TKT: variants seen among roughly 807,000 people sequenced by gnomAD.
TKT encodes epididymis luminal protein 107.
Under a neutral mutation model 63.9 loss-of-function variants are expected in TKT, and 47 were observed. The ratio of observed to expected loss-of-function variants is 0.74; its 90% confidence interval spans 0.58 to 0.94. TKT has a LOEUF of 0.94. Ranked by LOEUF, TKT falls within the 40% of genes least tolerant of loss-of-function variation. The pLI is 0.00. For synonymous variants in TKT, 338 were observed against 334.1 expected, an observed-to-expected ratio of 1.01 and a Z score of -0.13; for missense variants, 721 against 846.2, an observed-to-expected ratio of 0.85 and a Z score of 1.84.
intron 5 of TKT, chr3:53,234,006 TTCAGGAATCTGGCTTGAG>T (rs1553677866): frequency 6.6e-6 from 1 of 152,198 alleles, no homozygotes; most frequent in East Asian, 1.9e-4. Flanking sequence ...GAGCCAGGAC[TTCAGGAATCTGGCTTGAG>T]TCACGAGGTT....
chr3:53,230,634 G>C lies in TKT; in HGVS notation c.943-13C>G, dbSNP rs782816542. On this transcript the variant is annotated splice_polypyrimidine_tract_variant and intron_variant, in intron 7 of 13. Coordinates refer to ENST00000462138, the MANE Select transcript of TKT (RefSeq NM_001064.4). ...TGCGGGTGGCTATCTGTGAGGAAGA[G>C]AGTGGGAAGGCTCTGGACCCCTCTG... The C allele has an allele frequency of 2.8e-5, 45 of 1,613,846 alleles. No homozygotes were observed. Among genetic ancestry groups the C allele is most frequent in the Non-Finnish European group, 3.7e-5 (44 of 1,179,894 alleles).
chr3:53,239,408 A>C (rs1181411677), intron 4 of TKT, among the ~76,000 whole-genome samples: 1 of 152,120 alleles, frequency 6.6e-6, no homozygotes, highest in African/African-American at 2.4e-5. Flanking sequence ...CCCTAGGCTC[A>C]AGTGATCCTC....
chr3:53,230,719 C>CA, intron 7 of TKT, 98 bp from the exon 8 acceptor site: 3 of 1,425,850 alleles, frequency 2.1e-6, no homozygotes, highest in Non-Finnish European at 1.9e-6. Flanking sequence ...AAAACGGGGC[C>CA]AAAAATGGAA....
Position 53,242,546 on chromosome 3 carries a change from G to C in TKT, c.108-304C>G, listed in dbSNP as rs190501286. Among the ~76,000 whole-genome samples, 3 of 152,286 alleles carry C rather than the reference G, an allele frequency of 2.0e-5. No individual in the cohort carries two copies. The East Asian group carries it at 5.8e-4, about 29-fold the overall frequency. ...GGGGTTGGACTTGAGTAAGAAGGAA[G>C]GAGGGGCCCAGGAGAGATCTAGCAC... is the stretch of plus-strand genomic sequence containing the variant. On this transcript the variant is annotated intron_variant, in intron 1 of 13. Transcript: ENST00000462138.
chr3:53,227,319 A>C, intron 12 of TKT: 1 of 163,062 alleles, frequency 6.1e-6, no homozygotes, highest in South Asian at 1.5e-4. Flanking sequence ...AGAAGGACAA[A>C]CCCACGCTTG....
chr3:53,251,187 G>C (rs557155023), intron 1 of TKT, among the ~76,000 whole-genome samples: 13 of 152,364 alleles, frequency 8.5e-5, no homozygotes, highest in African/African-American at 2.9e-4. Flanking sequence ...CTGTGGGTCA[G>C]AAACCCTGGG....
rs200850199 is a variant in TKT, at chr3:53,229,508, TG to T, written c.1108-73del. On this transcript the variant is annotated intron_variant, in intron 8 of 13. Transcript: ENST00000462138. ...TGGTCGGGGAGCCTAGGACCCCTTT[TG>T]TGGAGAAAGCCACAATTTGTATATA... The T allele has an allele frequency of 1.2e-3, 1,875 of 1,503,952 alleles. 27 individuals are homozygous for T. In the African/African-American group the frequency reaches 0.023, roughly 19 times the overall value. 93.2% of individuals were successfully genotyped at this position (1,503,952 alleles called of 1,614,324 possible).
chr3:53,228,256 G>A lies in TKT; in HGVS notation c.1479+20C>T. 3 of 1,614,086 alleles carry A rather than the reference G, an allele frequency of 1.9e-6. No homozygotes were observed. Among genetic ancestry groups the A allele is most frequent in the South Asian group, 2.2e-5 (2 of 91,080 alleles). ...GGTCCAGGCAGCTCTGTGGGCTCCT[G>A]GGGCATGCGAGGCACTGACCTTGGC... On this transcript the variant is annotated intron_variant, in intron 11 of 13. Transcript: ENST00000462138.
chr3:53,243,252 A>G (rs544876207), intron 1 of TKT, among the ~76,000 whole-genome samples: 4 of 152,128 alleles, frequency 2.6e-5, no homozygotes, highest in East Asian at 3.9e-4. Flanking sequence ...TCAGCCCTGA[A>G]GCCCTCTGGT....
chr3:53,228,040 G>T lies in TKT; in HGVS notation c.1573+16C>A. The T allele has an allele frequency of 6.2e-7, 1 of 1,610,866 alleles. No homozygotes were observed. The highest frequency in any genetic ancestry group is 8.5e-7 in the Non-Finnish European group (1 of 1,178,818). On this transcript the variant is annotated intron_variant, in intron 12 of 13. Transcript: ENST00000462138. ...TGGCCGCTCAGTTGATGACTTTGGA[G>T]GCCCCTTCTCCTCACCTTTCTTCAG...
chr3:53,233,077 G>A, intron 6 of TKT, 79 bp downstream of exon 6: 3 of 1,238,630 alleles, frequency 2.4e-6, no homozygotes, highest in Non-Finnish European at 3.5e-6. Flanking sequence ...CTGTTTCCCT[G>A]GATGTGCGGG....
intron 4 of TKT, among the ~76,000 whole-genome samples, chr3:53,237,082 A>T (rs1440712690): frequency 2.0e-5 from 3 of 152,196 alleles, no homozygotes; most frequent in Non-Finnish European, 4.4e-5. Flanking sequence ...ATATTATGTG[A>T]TCATTAAAAC....
intron 12 of TKT, 107 bp from the exon 13 acceptor site, chr3:53,226,985 C>A: frequency 7.2e-7 from 1 of 1,398,366 alleles, no homozygotes; most frequent in Admixed American, 2.4e-5. Flanking sequence ...GCTAAGAGCT[C>A]AGCCTGCGGG....
intron 1 of TKT, among the ~76,000 whole-genome samples, chr3:53,249,629 AG>A (rs1705664185): frequency 6.6e-6 from 1 of 152,166 alleles, no homozygotes; most frequent in Non-Finnish European, 1.5e-5. Flanking sequence ...AGCTCAGTAG[AG>A]GAAGTTCTTG....
chr3:53,228,305 T>A lies in TKT; in HGVS notation c.1450A>T (p.Asn484Tyr). 3 of 1,614,138 alleles carry A rather than the reference T, an allele frequency of 1.9e-6. No individual in the cohort carries two copies. The highest frequency in any genetic ancestry group is 2.2e-5 in the East Asian group (1 of 44,876). Residue 484 changes from asparagine (N) to tyrosine (Y), a missense_variant, in exon 11 of 14, where the codon AAT (asparagine) becomes TAT (tyrosine). Asn to Tyr is a moderately radical substitution (Grantham distance 143). Coordinates refer to ENST00000462138, the MANE Select transcript of TKT (RefSeq NM_001064.4). ...RPENAIIYNN[N>Y]EDFQVGQAKV... ...GCTTGTCCGACCTGGAAGTCCTCAT[T>A]GTTGTTATAGATGATGGCATTTTCT...
intron 12 of TKT, chr3:53,227,125 C>T (rs144137948): frequency 5.2e-5 from 24 of 458,034 alleles, no homozygotes; most frequent in South Asian, 3.2e-4. Context: ...CAGAGCGGAG[C>T]GTGCAGGCCC....
intron 1 of TKT, 105 bp from the exon 2 acceptor site, chr3:53,242,347 C>T (rs1293545885): frequency 9.0e-7 from 1 of 1,110,748 alleles, no homozygotes; most frequent in Non-Finnish European, 1.4e-6. Context: ...TGAGGAGTCA[C>T]ACAGGCCTGG....
chr3:53,227,258 G>A (rs939924158), intron 12 of TKT: 5 of 181,698 alleles, frequency 2.8e-5, no homozygotes, highest in South Asian at 1.0e-4. Flanking sequence ...GCTGCAGCCC[G>A]CAGAGTGATC....
chr3:53,249,672 C>T (rs1705666032), intron 1 of TKT, among the ~76,000 whole-genome samples: 1 of 151,162 alleles, frequency 6.6e-6, no homozygotes, highest in African/African-American at 2.4e-5. Flanking sequence ...GCTGTGTAGT[C>T]CTCGGAGATT....
Sources: allele counts gnomAD v4.1 joint callset (sites outside exome capture counted in the v4.1 genomes callset), GRCh38; gene constraint gnomAD v4.1.1; transcripts MANE v1.5; gene names NCBI Gene and HGNC (gene_info 2026-07-23, HGNC 2026-07-21).